Variants in CFTR observed in about 807,000 individuals in gnomAD.
The protein encoded by CFTR is CF transmembrane conductance regulator.
Under a neutral mutation model 171.6 loss-of-function variants are expected in CFTR, and 181 were observed. The observed-to-expected ratio is 1.05, with a 90% CI of 0.93 to 1.19. The LOEUF is 1.19. Among genes scored for constraint, CFTR ranks in the 50% most tolerant of loss-of-function variants. The pLI, the probability that CFTR is intolerant of heterozygous loss-of-function variation, is 0.00. For missense variants in CFTR, 1,968 were observed against 1,734.7 expected (o/e 1.13, Z -2.39); for synonymous variants, 583 against 608.0 (o/e 0.96, Z 0.60).
At chr7:117,531,179 A>C in intron 4 of CFTR, 65 bp downstream of exon 4, 2 of 1,280,220 alleles carry the variant, frequency 1.6e-6, no homozygotes, top group Non-Finnish European at 2.2e-6. Context: ...TTAATGTCAT[A>C]AATTAGGTAG....
At chr7:117,553,320 T>C (rs1182570568) in intron 10 of CFTR, among the ~76,000 whole-genome samples, 2 of 152,240 alleles carry the variant, frequency 1.3e-5, no homozygotes, top group South Asian at 2.1e-4. Flanking sequence ...TGAATCACTA[T>C]TGATTGACAT....
intron 3 of CFTR, among the ~76,000 whole-genome samples, chr7:117,509,401 G>A (rs1336605899): frequency 6.6e-6 from 1 of 152,072 alleles, no homozygotes; most frequent in Non-Finnish European, 1.5e-5. Flanking sequence ...ATTATTTTCT[G>A]TTATGATTCC....
chr7:117,496,835 T>G (rs1376621389), intron 1 of CFTR, among the ~76,000 whole-genome samples: 1 of 152,172 alleles, frequency 6.6e-6, no homozygotes, highest in Non-Finnish European at 1.5e-5. Flanking sequence ...TTGCAACACT[T>G]ACTATTATCT....
intron 16 of CFTR, 55 bp downstream of exon 16, chr7:117,602,918 A>G: frequency 7.2e-7 from 1 of 1,381,476 alleles, no homozygotes; most frequent in Non-Finnish European, 1.0e-6. Context: ...TTGATTAAAT[A>G]TTGTAATCCA....
At chr7:117,500,307 A>T (rs1484156261) in intron 1 of CFTR, among the ~76,000 whole-genome samples, 2 of 92,844 alleles carry the variant, frequency 2.2e-5, no homozygotes, top group African/African-American at 4.3e-5. Flanking sequence ...TTTTTTTGAG[A>T]CGGAGTTTTG....
chr7:117,623,313 C>T (rs958681866), intron 21 of CFTR, among the ~76,000 whole-genome samples: 2 of 152,168 alleles, frequency 1.3e-5, no homozygotes, highest in Admixed American at 1.3e-4. Context: ...TGCTGGCAGG[C>T]CAGCTTGCTG....
At chr7:117,574,373 T>A (rs1791741986) in intron 11 of CFTR, among the ~76,000 whole-genome samples, 1 of 152,082 alleles carries the variant, frequency 6.6e-6, no homozygotes, top group South Asian at 2.1e-4. Flanking sequence ...CACTATTTTA[T>A]TTTATTCCAG....
At chr7:117,552,725 A>G (rs1799293304) in intron 10 of CFTR, among the ~76,000 whole-genome samples, 1 of 151,924 alleles carries the variant, frequency 6.6e-6, no homozygotes, top group African/African-American at 2.4e-5. Context: ...ATCAATATAC[A>G]TTTTTTATTA....
In CFTR at chr7:117,531,042, C is replaced by T. The variant is rs760281820; in HGVS notation, c.417C>T (p.His139=). Reference sequence around the variant, plus strand: ...TTATTGTGAGGACACTGCTCCTACACCCAGCCATTTTTGGCCTTCATCACA... The same window carrying T: ...TTATTGTGAGGACACTGCTCCTACATCCAGCCATTTTTGGCCTTCATCACA... The part of the protein sequence containing the change: ...LLFIVRTLLL[H]PAIFGLHHIG... The change falls in exon 4 of 27, where the codon CAC becomes CAT. Residue 139 remains histidine (H), a synonymous_variant. Coordinates refer to ENST00000003084, the MANE Select transcript of CFTR (RefSeq NM_000492.4). 1.7e-5 allele frequency: 27 copies of T among 1,613,670 alleles called. No individual in the cohort carries two copies. Among genetic ancestry groups the T allele is most frequent in the Non-Finnish European group, 2.3e-5 (27 of 1,179,872 alleles).
intron 10 of CFTR, among the ~76,000 whole-genome samples, chr7:117,552,399 CA>C (rs1296745288): frequency 6.6e-6 from 1 of 152,014 alleles, no homozygotes. Context: ...TAATTTTGTA[CA>C]AAGGAATTTT....
At chr7:117,561,152 A>G (rs1262070988) in intron 11 of CFTR, among the ~76,000 whole-genome samples, 1 of 152,106 alleles carries the variant, frequency 6.6e-6, no homozygotes, top group East Asian at 1.9e-4. Context: ...ACACTGTGCT[A>G]GGTCCTGGGA....
At chr7:117,502,856 C>T (rs1414944245) in intron 1 of CFTR, among the ~76,000 whole-genome samples, 1 of 152,168 alleles carries the variant, frequency 6.6e-6, no homozygotes, top group African/African-American at 2.4e-5. Flanking sequence ...ACATAGTAAA[C>T]CATACTCACT....
intron 4 of CFTR, 120 bp from the exon 5 acceptor site, chr7:117,534,156 T>G: frequency 1.6e-6 from 1 of 634,852 alleles, no homozygotes; most frequent in Non-Finnish European, 2.8e-6. Context: ...AGAATATAAT[T>G]TTCATTACCT....
At chr7:117,563,745 A>G (rs930231382) in intron 11 of CFTR, among the ~76,000 whole-genome samples, 3 of 152,210 alleles carry the variant, frequency 2.0e-5, no homozygotes, top group African/African-American at 7.2e-5. Flanking sequence ...AATAAGTTCC[A>G]TTTAAAAAAT....
chr7:117,516,735 A>G (rs1798601381), intron 3 of CFTR, among the ~76,000 whole-genome samples: 1 of 152,144 alleles, frequency 6.6e-6, no homozygotes, highest in Non-Finnish European at 1.5e-5. Context: ...TCATATAGGC[A>G]TGCAATGTGA....
At chr7:117,610,692 C>T (rs994461531) in intron 19 of CFTR, 23 bp downstream of exon 19, 6 of 1,612,038 alleles carry the variant, frequency 3.7e-6, no homozygotes, top group East Asian at 2.2e-5. Flanking sequence ...ATGTGCGATA[C>T]TCATCTTGTA....
At chr7:117,663,377 A>G (rs1269586777) in intron 24 of CFTR, among the ~76,000 whole-genome samples, 1 of 152,110 alleles carries the variant, frequency 6.6e-6, no homozygotes, top group Non-Finnish European at 1.5e-5. Flanking sequence ...TTCCTGCCAT[A>G]CCAGAAACCC....
chr7:117,571,247 A>G (rs1791682736), intron 11 of CFTR, among the ~76,000 whole-genome samples: 1 of 152,198 alleles, frequency 6.6e-6, no homozygotes, highest in South Asian at 2.1e-4. Context: ...TCTAAATTAC[A>G]AAGCAGAAGA....
At chr7:117,564,464 C>T (rs1421695062) in intron 11 of CFTR, 1 of 153,254 alleles carries the variant, frequency 6.5e-6, no homozygotes, top group Non-Finnish European at 1.5e-5. Context: ...TGAAGGTGCC[C>T]CTTATTTTTA....
Sources: allele counts gnomAD v4.1 joint callset (sites outside exome capture counted in the v4.1 genomes callset), GRCh38; gene constraint gnomAD v4.1.1; transcripts MANE v1.5; gene names NCBI Gene and HGNC (gene_info 2026-07-23, HGNC 2026-07-21).